The following PSMD1 variants were observed in gnomAD, a reference collection of about 807,000 sequenced individuals.
The protein encoded by PSMD1 is proteasome 26S subunit, non-ATPase 1, also known as 26S proteasome non-ATPase regulatory subunit 1.
In PSMD1, 18 loss-of-function variants were observed where a neutral mutation model predicts 119.0. The observed-to-expected ratio is 0.15, with a 90% CI of 0.10 to 0.22. The LOEUF is 0.22. Ranked by LOEUF, PSMD1 falls within the 10% of genes least tolerant of loss-of-function variation. The probability of loss-of-function intolerance (pLI) is 1.00; values close to 1 mark genes in which losing one functional copy is unlikely to be tolerated. For missense variants in PSMD1, 702 were observed against 1,158.5 expected (o/e 0.61, Z 5.72); for synonymous variants, 374 against 396.6 (o/e 0.94, Z 0.68).
At chr2:231,083,439 A>G (rs895798715) in intron 13 of PSMD1, 128 bp from the exon 14 acceptor site, 76 of 955,490 alleles carry the variant, frequency 8.0e-5, no homozygotes, top group Middle Eastern at 3.2e-4. Context: ...CAGGTGGTTT[A>G]AAAAAATGCT....
At chr2:231,141,362 TAA>T (rs1305737332) in intron 17 of PSMD1, among the ~76,000 whole-genome samples, 1 of 151,364 alleles carries the variant, frequency 6.6e-6, no homozygotes. Context: ...TAAAAATTTG[TAA>T]AGAGACATCC....
intron 12 of PSMD1, among the ~76,000 whole-genome samples, chr2:231,080,902 G>A (rs1029834938): frequency 2.0e-5 from 3 of 152,138 alleles, no homozygotes; most frequent in African/African-American, 7.2e-5. Flanking sequence ...CAGCACTTTG[G>A]AAGGCCGAGG....
Position 231,070,055 on chromosome 2 carries a change from C to G in PSMD1, c.541C>G (p.Leu181Val), listed in dbSNP as rs758303231. 7.3e-6 allele frequency: 11 copies of G among 1,512,504 alleles called. No individual in the cohort carries two copies. The highest frequency in any genetic ancestry group is 1.4e-5 in the African/African-American group (1 of 70,846). The allele number at this position is 1,512,504 out of a possible 1,614,324, so 93.7% of individuals were successfully genotyped here. A position where few individuals can be genotyped will look rare whatever the true frequency, so the allele number is the denominator to read the frequency against. Residue 181 changes from leucine to valine, a missense_variant, in exon 6 of 25, where the codon CTT becomes GTT. Coordinates refer to ENST00000308696, the MANE Select transcript of PSMD1 (RefSeq NM_002807.4). Reference sequence around the variant, plus strand: ...TGTCCCAGGAATGTTAGCTTATAGCCTTAAGCTCTGCATGTCTTTAATGCA... The same window carrying G: ...TGTCCCAGGAATGTTAGCTTATAGCGTTAAGCTCTGCATGTCTTTAATGCA... ...NDVPGMLAYS[L>V]KLCMSLMQNK...
At chr2:231,057,929 C>T (rs1370465221) in intron 1 of PSMD1, among the ~76,000 whole-genome samples, 2 of 152,090 alleles carry the variant, frequency 1.3e-5, no homozygotes, top group African/African-American at 4.8e-5. Flanking sequence ...TGTGTTTGAC[C>T]CACAAAGAAA....
Position 231,083,732 on chromosome 2 carries a change from A to C in PSMD1, c.1691A>C (p.Asp564Ala). The stretch of plus-strand genomic sequence containing the variant: ...ATGTATGGGAGGATGGAAGAGGCTG[A>C]TGCTCTCATTGAATCTCTCTGTCGT... ...LVMYGRMEEA[D>A]ALIESLCRDK... The change falls in exon 14 of 25, where the codon GAT becomes GCT. Residue 564 changes from aspartate to alanine, a missense_variant. Asp to Ala is a moderately radical substitution (Grantham distance 126). Transcript: ENST00000308696. 6.2e-7 allele frequency: 1 copy of C among 1,614,180 alleles called. No homozygotes were observed. Among genetic ancestry groups the C allele is most frequent in the Non-Finnish European group, 8.5e-7 (1 of 1,180,034 alleles).
intron 6 of PSMD1, 111 bp downstream of exon 6, chr2:231,070,279 C>G (rs1202378936): frequency 1.3e-5 from 11 of 868,630 alleles, no homozygotes; most frequent in Middle Eastern, 3.4e-4. Flanking sequence ...ATACATGTAT[C>G]TCAGCTGATC....
rs1244422384 is a variant in PSMD1, at chr2:231,061,326, TA to T, written c.60+18del. 6.4e-7 allele frequency: 1 copy of T among 1,567,538 alleles called. No homozygotes were observed. Among genetic ancestry groups the T allele is most frequent in the Admixed American group, 1.7e-5 (1 of 58,350 alleles). On this transcript the variant is annotated intron_variant, in intron 2 of 24. Transcript: ENST00000308696. Reference sequence around the variant, plus strand: ...ACAGCTTAAGGTATGAATTGAAGAATAAGTAACTAGGCTTAGTGTGAATACT... The same window carrying T: ...ACAGCTTAAGGTATGAATTGAAGAATAGTAACTAGGCTTAGTGTGAATACT...
intron 12 of PSMD1, among the ~76,000 whole-genome samples, 183 bp from the exon 13 acceptor site, chr2:231,082,700 C>A (rs928886066): frequency 6.6e-5 from 10 of 152,164 alleles, no homozygotes; most frequent in African/African-American, 2.4e-4. Flanking sequence ...AGCGAAACTA[C>A]GTCTGAAACA....
At chr2:231,143,317 C>T (rs1696173563) in intron 17 of PSMD1, among the ~76,000 whole-genome samples, 2 of 151,916 alleles carry the variant, frequency 1.3e-5, no homozygotes, top group South Asian at 2.1e-4. Flanking sequence ...GGAACCTCCA[C>T]CTCCTGGGTT....
rs946769226 is a variant in PSMD1, at chr2:231,160,719, T to C, written c.2219-621T>C. On this transcript the variant is annotated intron_variant, in intron 19 of 24. Coordinates refer to ENST00000308696, the MANE Select transcript of PSMD1 (RefSeq NM_002807.4). ...ATTTAGCATCACAGTTTTGATACCC[T>C]TCAGGCCTAGTTTTTGAAAAACGCC... Among the ~76,000 whole-genome samples, 3 of 152,190 alleles carry C rather than the reference T, an allele frequency of 2.0e-5. No homozygotes were observed. In the East Asian group the frequency reaches 5.8e-4, roughly 29 times the overall value.
intron 18 of PSMD1, among the ~76,000 whole-genome samples, chr2:231,148,199 T>A (rs1696291764): frequency 6.6e-6 from 1 of 152,224 alleles, no homozygotes; most frequent in Non-Finnish European, 1.5e-5. Context: ...TATTTCTGCT[T>A]TTGATCTTCA....
intron 16 of PSMD1, among the ~76,000 whole-genome samples, chr2:231,121,308 A>T (rs556756091): frequency 6.6e-6 from 1 of 152,184 alleles, no homozygotes; most frequent in Non-Finnish European, 1.5e-5. Flanking sequence ...GCAGAGGATC[A>T]CTTGAACCCA....
chr2:231,068,081 C>T (rs538085472), intron 5 of PSMD1, among the ~76,000 whole-genome samples: 25 of 152,282 alleles, frequency 1.6e-4, no homozygotes, highest in African/African-American at 6.0e-4. Flanking sequence ...AAGACTAGGT[C>T]CAGTTCTGTT....
intron 16 of PSMD1, among the ~76,000 whole-genome samples, chr2:231,099,045 A>T (rs112963731): frequency 2.0e-5 from 3 of 152,182 alleles, no homozygotes; most frequent in African/African-American, 7.2e-5. Flanking sequence ...GTAATTCCTA[A>T]GAGTCAGGGT....
chr2:231,120,327 C>CT lies in PSMD1; in HGVS notation c.1884-18403dup, dbSNP rs949367721. Among the ~76,000 whole-genome samples the CT allele has an allele frequency of 1.1e-4, 17 of 152,164 alleles. 1 individual carries two copies. Among genetic ancestry groups the CT allele is most frequent in the Admixed American group, 7.2e-4 (11 of 15,272 alleles). On this transcript the variant is annotated intron_variant, in intron 16 of 24. Coordinates refer to ENST00000308696, the MANE Select transcript of PSMD1 (RefSeq NM_002807.4). The stretch of plus-strand genomic sequence containing the variant: ...AGCTCTTAAATGGTGAACATCCTGT[C>CT]TTTTTTATATCAGCATAAGGTGTTG...
intron 16 of PSMD1, among the ~76,000 whole-genome samples, chr2:231,108,028 C>T (rs995494057): frequency 1.3e-5 from 2 of 152,240 alleles, no homozygotes; most frequent in East Asian, 1.9e-4. Context: ...CTAAATCAGA[C>T]TATAAATGGC....
At chr2:231,074,971 G>A (rs1274152189) in intron 7 of PSMD1, among the ~76,000 whole-genome samples, 1 of 152,142 alleles carries the variant, frequency 6.6e-6, no homozygotes, top group Non-Finnish European at 1.5e-5. Context: ...TGGGACTACA[G>A]GCACGCACCA....
intron 16 of PSMD1, among the ~76,000 whole-genome samples, chr2:231,104,396 C>T (rs1384860850): frequency 1.3e-5 from 2 of 152,054 alleles, no homozygotes; most frequent in Non-Finnish European, 2.9e-5. Context: ...TATGTGCTTG[C>T]TACTTCTAAG....
At chr2:231,109,457 ACT>A in intron 16 of PSMD1, 1 of 1,481,970 alleles carries the variant, frequency 6.7e-7, no homozygotes. Context: ...ATGACCTGTA[ACT>A]CTTCGATTAG....
Sources: gnomAD v4.1 joint callset for allele counts (sites outside exome capture counted in the v4.1 genomes callset) on GRCh38, gnomAD v4.1.1 for gene constraint, MANE v1.5 for transcripts, NCBI Gene and HGNC (gene_info 2026-07-23, HGNC 2026-07-21) for gene names.